Variants in OR51B5 observed in about 807,000 individuals in gnomAD.
OR51B5 encodes olfactory receptor family 51 subfamily B member 5, also known as olfactory receptor 51B5.
For missense variants in OR51B5, 456 were observed against 374.6 expected, an observed-to-expected ratio of 1.22 and a Z score of -1.79; for synonymous variants, 186 against 144.8, an observed-to-expected ratio of 1.28 and a Z score of -2.04.
intron 1 of OR51B5, among the ~76,000 whole-genome samples, chr11:5,404,153 G>T (rs1403966690): frequency 7.2e-6 from 1 of 139,046 alleles, no homozygotes; most frequent in Non-Finnish European, 1.6e-5. Context: ...GTCGGGGGCG[G>T]GGGGAGGGGA....
At chr11:5,396,311 C>G (rs1280948153) in intron 1 of OR51B5, among the ~76,000 whole-genome samples, 1 of 152,170 alleles carries the variant, frequency 6.6e-6, no homozygotes, top group East Asian at 1.9e-4. Flanking sequence ...GATTGCATAT[C>G]TAGAAAACCC....
intron 1 of OR51B5, among the ~76,000 whole-genome samples, chr11:5,375,910 A>C (rs1395745220): frequency 2.0e-5 from 3 of 152,138 alleles, no homozygotes; most frequent in Admixed American, 6.5e-5. Flanking sequence ...AACGAGACAG[A>C]AAGTTAACAA....
At chr11:5,475,310 T>C (rs112294913) in intron 1 of OR51B5, among the ~76,000 whole-genome samples, 5 of 152,294 alleles carry the variant, frequency 3.3e-5, no homozygotes, top group African/African-American at 9.6e-5. Flanking sequence ...TTTTCAACTT[T>C]ACATTGAATA....
chr11:5,468,532 TC>T, intron 1 of OR51B5: 1 of 370,554 alleles, frequency 2.7e-6, no homozygotes, highest in Non-Finnish European at 5.5e-6. Context: ...CCTGCGAATC[TC>T]CTTAGTCTTG....
intron 1 of OR51B5, among the ~76,000 whole-genome samples, chr11:5,495,908 G>C (rs1325572803): frequency 6.6e-6 from 1 of 152,150 alleles, no homozygotes; most frequent in African/African-American, 2.4e-5. Flanking sequence ...CATAAAATTT[G>C]TAAGCAAAAT....
At chr11:5,462,187 G>C (rs1851066187) in intron 1 of OR51B5, among the ~76,000 whole-genome samples, 1 of 152,196 alleles carries the variant, frequency 6.6e-6, no homozygotes, top group Non-Finnish European at 1.5e-5. Flanking sequence ...TGCTGGGTAG[G>C]TTGGTGAGGA....
intron 1 of OR51B5, among the ~76,000 whole-genome samples, chr11:5,424,644 C>A (rs1052518159): frequency 1.3e-5 from 2 of 151,994 alleles, no homozygotes; most frequent in African/African-American, 2.4e-5. Flanking sequence ...CAGGGTTTCA[C>A]TGGGGACCCC....
At chr11:5,485,322 G>C (rs560455399) in intron 1 of OR51B5, among the ~76,000 whole-genome samples, 1 of 152,280 alleles carries the variant, frequency 6.6e-6, no homozygotes, top group South Asian at 2.1e-4. Flanking sequence ...AAGAATTGAG[G>C]CAACGTTCAG....
intron 1 of OR51B5, among the ~76,000 whole-genome samples, chr11:5,461,219 T>A (rs1590010393): frequency 6.6e-6 from 1 of 152,096 alleles, no homozygotes; most frequent in Non-Finnish European, 1.5e-5. Flanking sequence ...GCTCGGGCGA[T>A]GGTGGGTCTT....
At chr11:5,380,898 G>T (rs781262502) in intron 1 of OR51B5, among the ~76,000 whole-genome samples, 5 of 152,024 alleles carry the variant, frequency 3.3e-5, no homozygotes, top group Non-Finnish European at 7.4e-5. Context: ...CCTTGGTGCT[G>T]GTCAGAATTT....
At chr11:5,356,878 G>C (rs1188275505) in intron 1 of OR51B5, among the ~76,000 whole-genome samples, 1 of 144,090 alleles carries the variant, frequency 6.9e-6, no homozygotes, top group Non-Finnish European at 1.5e-5. Flanking sequence ...GCCAAACTAA[G>C]CTTCATAAGT....
intron 1 of OR51B5, among the ~76,000 whole-genome samples, chr11:5,384,149 TTC>T (rs1849650569): frequency 1.3e-5 from 2 of 152,158 alleles, no homozygotes; most frequent in Admixed American, 1.3e-4. Context: ...GGATTTTTTT[TTC>T]TTTGTTTTCT....
At chr11:5,368,575 G>A (rs1313068297) in intron 1 of OR51B5, among the ~76,000 whole-genome samples, 1 of 152,034 alleles carries the variant, frequency 6.6e-6, no homozygotes, top group African/African-American at 2.4e-5. Context: ...CCTTTAAAAA[G>A]CTCTCTCACA....
At chr11:5,447,930 T>C (rs1338183975) in intron 1 of OR51B5, among the ~76,000 whole-genome samples, 1 of 152,182 alleles carries the variant, frequency 6.6e-6, no homozygotes, top group Non-Finnish European at 1.5e-5. Flanking sequence ...GTCCTAGTCA[T>C]AGGGAACCTC....
chr11:5,380,325 T>C (rs770965149), intron 1 of OR51B5, among the ~76,000 whole-genome samples: 1 of 152,004 alleles, frequency 6.6e-6, no homozygotes, highest in African/African-American at 2.4e-5. Context: ...AACATGAAAA[T>C]TTCTTAGGGG....
chr11:5,488,947 G>A (rs759224607), intron 1 of OR51B5: 67 of 1,613,890 alleles, frequency 4.2e-5, no homozygotes, highest in Non-Finnish European at 5.3e-5. Flanking sequence ...TTCTACCACT[G>A]TGCCCAAGAT....
At chr11:5,489,341 T>A (rs1453387602) in intron 1 of OR51B5, 1 of 1,613,972 alleles carries the variant, frequency 6.2e-7, no homozygotes, top group Non-Finnish European at 8.5e-7. Flanking sequence ...GCCATGGGAC[T>A]GGATTCCATT....
intron 1 of OR51B5, among the ~76,000 whole-genome samples, chr11:5,380,046 T>C (rs1361030363): frequency 3.3e-5 from 5 of 151,426 alleles, no homozygotes; most frequent in Admixed American, 2.0e-4. Flanking sequence ...AATCAAAATA[T>C]GCAAAATACA....
At chr11:5,366,732 A>C (rs1319590907) in intron 1 of OR51B5, among the ~76,000 whole-genome samples, 1 of 152,090 alleles carries the variant, frequency 6.6e-6, no homozygotes, top group Non-Finnish European at 1.5e-5. Context: ...AAAGGAAAGA[A>C]GGAAGGAAGG....
Sources: gnomAD v4.1 joint callset for allele counts (sites outside exome capture counted in the v4.1 genomes callset) on GRCh38, gnomAD v4.1.1 for gene constraint, MANE v1.5 for transcripts, NCBI Gene and HGNC (gene_info 2026-07-23, HGNC 2026-07-21) for gene names.